ITGA8: variants seen among roughly 807,000 people sequenced by gnomAD.
ITGA8 encodes integrin subunit alpha 8.
A neutral mutation model predicts 142.3 loss-of-function variants in ITGA8; 91 were observed. The ratio of observed to expected loss-of-function variants is 0.64; its 90% CI spans 0.54 to 0.76. The LOEUF (loss-of-function observed/expected upper bound fraction) is 0.76. ITGA8 is among the 30% of genes least tolerant of loss of function. The pLI, the probability that ITGA8 is intolerant of heterozygous loss-of-function variation, is 0.00. For synonymous variants in ITGA8, 505 were observed against 485.2 expected, an observed-to-expected ratio of 1.04 and a Z score of -0.54; for missense variants, 1,406 against 1,327.7, an observed-to-expected ratio of 1.06 and a Z score of -0.92.
chr10:15,519,338 T>C lies in ITGA8; in HGVS notation c.3057A>G (p.Ile1019Met). The change falls in exon 29 of 30, where the codon ATA becomes ATG. Residue 1019 changes from isoleucine (I) to methionine (M), a missense_variant. Physicochemically the swap from Ile to Met is conservative, Grantham distance 10. Coordinates refer to ENST00000378076, the MANE Select transcript of ITGA8 (RefSeq NM_003638.3). ...TGGCGAGAACCAACAATCCAAGAAG[T>C]ATTGCTAGTATTATTACCCATAATG... Reference protein sequence around the residue: ...SIPLWVIILAILLGLLVLAIL... With the variant: ...SIPLWVIILAMLLGLLVLAIL... 6.2e-7 allele frequency: 1 copy of C among 1,613,502 alleles called. No individual in the cohort carries two copies. The highest frequency in any genetic ancestry group is 1.3e-5 in the African/African-American group (1 of 75,028).
chr10:15,719,528 T>TTCGC (rs775716384), intron 1 of ITGA8, 35 bp downstream of exon 1: 1 of 1,503,336 alleles, frequency 6.7e-7, no homozygotes, highest in Non-Finnish European at 8.8e-7. Flanking sequence ...AGCGCCTTCG[T>TTCGC]CCCCGCGCGC....
chr10:15,544,579 A>T (rs1360932649), intron 27 of ITGA8, among the ~76,000 whole-genome samples: 1 of 152,226 alleles, frequency 6.6e-6, no homozygotes, highest in Admixed American at 6.5e-5. Flanking sequence ...CTGACTAGAG[A>T]AAAACAGGAT....
rs1024419193 is a variant in ITGA8, at chr10:15,646,723, A to G, written c.1207+123T>C. 1.3e-5 allele frequency: 8 copies of G among 634,714 alleles called. No homozygotes were observed. The African/African-American group carries it at 1.5e-4, about 12-fold the overall frequency. The allele number at this position is 634,714 out of a possible 1,614,324, so 39.3% of individuals were successfully genotyped here. A position where few individuals can be genotyped will look rare whatever the true frequency, so the allele number is the denominator to read the frequency against. On this transcript the variant is annotated intron_variant, in intron 12 of 29. Coordinates refer to ENST00000378076, the MANE Select transcript of ITGA8 (RefSeq NM_003638.3). ...GCTGCCTTGAGATTTGTGATAGTTT[A>G]TTAAAAATCAGTAATAATAACTGCA...
chr10:15,547,156 A>G (rs1195314627), intron 27 of ITGA8, among the ~76,000 whole-genome samples: 1 of 152,102 alleles, frequency 6.6e-6, no homozygotes, highest in Non-Finnish European at 1.5e-5. Flanking sequence ...GAGTTAATTT[A>G]GGATTAAAAA....
At chr10:15,616,418 A>C in intron 14 of ITGA8, 96 bp downstream of exon 14, 1 of 935,262 alleles carries the variant, frequency 1.1e-6, no homozygotes. Flanking sequence ...AATATTCCCC[A>C]GAATAAATCG....
At chr10:15,561,711 T>A (rs1213363667) in intron 25 of ITGA8, among the ~76,000 whole-genome samples, 1 of 152,210 alleles carries the variant, frequency 6.6e-6, no homozygotes, top group Non-Finnish European at 1.5e-5. Flanking sequence ...ATAATCCTCC[T>A]TTCTCTGGAA....
At position 15,672,697 on chromosome 10, in the gene ITGA8, C is replaced by T. The variant is rs759432136; in HGVS notation, c.729G>A (p.Lys243=). The T allele has an allele frequency of 8.7e-6, 14 of 1,613,716 alleles. No homozygotes were observed. The highest frequency in any genetic ancestry group is 2.2e-5 in the South Asian group (2 of 91,030). The change falls in exon 7 of 30, where the codon AAG becomes AAA. Residue 243 remains lysine (K), a synonymous_variant. Transcript: ENST00000378076. ...VADIIANYSF[K]DILRKLAGEK... is the part of the protein sequence containing the mutation. ...CTCCTGCCAGTTTCCTGAGGATATC[C>T]TTGAATGAGTAATTTGCAATGATAT...
At chr10:15,683,914 A>G in intron 4 of ITGA8, 90 bp downstream of exon 4, 6 of 1,477,010 alleles carry the variant, frequency 4.1e-6, no homozygotes, top group Non-Finnish European at 5.6e-6. Flanking sequence ...CCTGTAAGTT[A>G]TCAATGGTGT....
chr10:15,596,051 CA>C, intron 21 of ITGA8, among the ~76,000 whole-genome samples: 1 of 152,252 alleles, frequency 6.6e-6, no homozygotes, highest in South Asian at 2.1e-4. Context: ...AACTCCATCT[CA>C]AAATAAAATA....
intron 6 of ITGA8, among the ~76,000 whole-genome samples, chr10:15,675,198 G>A (rs1318947353): frequency 6.6e-6 from 1 of 152,136 alleles, no homozygotes; most frequent in East Asian, 1.9e-4. Flanking sequence ...CTGGGCTTAA[G>A]CCCTAAATAC....
At chr10:15,666,191 C>T (rs1220046088) in intron 8 of ITGA8, among the ~76,000 whole-genome samples, 1 of 152,098 alleles carries the variant, frequency 6.6e-6, no homozygotes, top group African/African-American at 2.4e-5. Flanking sequence ...TCTTTTATTT[C>T]ATTGAGCAGT....
chr10:15,633,602 T>G (rs10795313), intron 13 of ITGA8, among the ~76,000 whole-genome samples: 2 of 151,758 alleles, frequency 1.3e-5, no homozygotes, highest in African/African-American at 4.8e-5. Flanking sequence ...GTATTTTTAG[T>G]AGAGACAGGG....
At chr10:15,589,505 T>G (rs45592231) in intron 22 of ITGA8, among the ~76,000 whole-genome samples, 21 of 152,196 alleles carry the variant, frequency 1.4e-4, no homozygotes, top group Non-Finnish European at 2.9e-4. Flanking sequence ...TAAAGCCCAT[T>G]TCTCTCTTGA....
rs144863956 is a variant in ITGA8, at chr10:15,640,368, T to G, written c.1399+3662A>C. On this transcript the variant is annotated intron_variant, in intron 13 of 29. Coordinates refer to ENST00000378076, the MANE Select transcript of ITGA8 (RefSeq NM_003638.3). ...CACCCAGGGTCATTTTGGGGTATGC[T>G]GATGTTATCGCTCTCAGGTGTATTT... Among the ~76,000 whole-genome samples, 5 of 152,294 alleles carry G rather than the reference T, an allele frequency of 3.3e-5. No homozygotes were observed. The East Asian group carries it at 5.8e-4, about 18-fold the overall frequency.
intron 2 of ITGA8, among the ~76,000 whole-genome samples, chr10:15,714,718 A>G (rs1835420165): frequency 6.6e-6 from 1 of 152,206 alleles, no homozygotes; most frequent in Admixed American, 6.5e-5. Flanking sequence ...AAAACCTGAA[A>G]GGCAGTTTTT....
chr10:15,525,458 C>T (rs563590454), intron 28 of ITGA8, among the ~76,000 whole-genome samples: 2 of 151,988 alleles, frequency 1.3e-5, no homozygotes, highest in African/African-American at 2.4e-5. Context: ...GCCTGGCCAA[C>T]ATGATGAAAC....
intron 22 of ITGA8, among the ~76,000 whole-genome samples, chr10:15,591,736 T>C (rs1832926825): frequency 6.6e-6 from 1 of 152,196 alleles, no homozygotes; most frequent in Non-Finnish European, 1.5e-5. Context: ...AGAGAAGGGC[T>C]TGCCCTCAAA....
chr10:15,714,017 A>G (rs1835407179), intron 2 of ITGA8, among the ~76,000 whole-genome samples: 1 of 152,104 alleles, frequency 6.6e-6, no homozygotes. Context: ...TGGGCTCCTA[A>G]CTGTGACTGG....
intron 2 of ITGA8, among the ~76,000 whole-genome samples, chr10:15,689,712 T>A (rs1275123449): frequency 6.6e-6 from 1 of 152,138 alleles, no homozygotes; most frequent in Non-Finnish European, 1.5e-5. Context: ...AGCCACTGCA[T>A]CCCTCCATCC....
Sources: allele counts gnomAD v4.1 joint callset (sites outside exome capture counted in the v4.1 genomes callset), GRCh38; gene constraint gnomAD v4.1.1; transcripts MANE v1.5; gene names NCBI Gene and HGNC (gene_info 2026-07-23, HGNC 2026-07-21).